The following SYT9 variants were observed in gnomAD, a reference collection of about 807,000 sequenced individuals.
SYT9 encodes synaptotagmin 9.
SYT9 carries 22 observed loss-of-function variants against 48.4 expected under a neutral mutation model. The observed-to-expected ratio is 0.45, with a 90% CI of 0.32 to 0.65. SYT9 has a LOEUF of 0.65. Ranked by LOEUF, SYT9 falls within the 30% of genes least tolerant of loss-of-function variation. SYT9 has a pLI of 0.03. For synonymous variants in SYT9, 265 were observed against 245.0 expected, an observed-to-expected ratio of 1.08 and a Z score of -0.76; for missense variants, 577 against 622.0, an observed-to-expected ratio of 0.93 and a Z score of 0.77.
chr11:7,308,908 G>T (rs1849081124), intron 2 of SYT9, among the ~76,000 whole-genome samples: 1 of 152,308 alleles, frequency 6.6e-6, no homozygotes, highest in Middle Eastern at 3.4e-3. Flanking sequence ...GCTGGGACTA[G>T]TTAATTCACA....
At chr11:7,386,987 T>A (rs952935953) in intron 3 of SYT9, among the ~76,000 whole-genome samples, 1 of 152,234 alleles carries the variant, frequency 6.6e-6, no homozygotes, top group African/African-American at 2.4e-5. Context: ...GATGAGTTCA[T>A]GTCCTTTGTA....
chr11:7,417,869 AT>A (rs1317418019), intron 4 of SYT9, 87 bp from the exon 5 acceptor site: 1 of 1,406,100 alleles, frequency 7.1e-7, no homozygotes, highest in Admixed American at 2.1e-5. Flanking sequence ...TCAGCATACC[AT>A]AGTCCATGAA....
chr11:7,365,049 C>T (rs1041713122), intron 3 of SYT9, among the ~76,000 whole-genome samples: 2 of 152,092 alleles, frequency 1.3e-5, no homozygotes, highest in Admixed American at 6.6e-5. Flanking sequence ...CATCCAGACC[C>T]CTCCTCCCAG....
At chr11:7,443,478 G>A (rs1187518773) in intron 6 of SYT9, among the ~76,000 whole-genome samples, 1 of 152,228 alleles carries the variant, frequency 6.6e-6, no homozygotes, top group African/African-American at 2.4e-5. Flanking sequence ...CCGTGCACAT[G>A]GTAGGCACCT....
chr11:7,305,732 C>T (rs1316655734), intron 2 of SYT9, among the ~76,000 whole-genome samples: 1 of 152,164 alleles, frequency 6.6e-6, no homozygotes, highest in Non-Finnish European at 1.5e-5. Flanking sequence ...CACCGTCTTA[C>T]TGCTTCCATC....
intron 3 of SYT9, among the ~76,000 whole-genome samples, chr11:7,350,759 A>G: frequency 6.6e-6 from 1 of 152,236 alleles, no homozygotes; most frequent in East Asian, 1.9e-4. Flanking sequence ...ACCTGAGAGC[A>G]TGATTTTTCC....
intron 3 of SYT9, among the ~76,000 whole-genome samples, chr11:7,413,894 A>AGCTAATTTG (rs1041956967): frequency 1.3e-5 from 2 of 152,034 alleles, no homozygotes; most frequent in African/African-American, 4.8e-5. Flanking sequence ...CACTGCACCC[A>AGCTAATTTG]GCTAATTTGC....
intron 1 of SYT9, among the ~76,000 whole-genome samples, chr11:7,279,714 A>G (rs1848459197): frequency 2.6e-5 from 4 of 152,230 alleles, no homozygotes; most frequent in Admixed American, 2.6e-4. Flanking sequence ...TGCTTCAAAG[A>G]TAAGATTATT....
chr11:7,250,464 A>ATCACAC (rs1396680785), upstream of SYT9, among the ~76,000 whole-genome samples: 22 of 10,528 alleles, frequency 2.1e-3, no homozygotes, highest in African/African-American at 7.0e-3. Context: ...CCCCCCCAGC[A>ATCACAC]TCACACTATC....
At chr11:7,388,707 C>T (rs1236121731) in intron 3 of SYT9, among the ~76,000 whole-genome samples, 2 of 151,888 alleles carry the variant, frequency 1.3e-5, no homozygotes, top group Non-Finnish European at 2.9e-5. Flanking sequence ...ATCTGTTTTT[C>T]ATCCTGTTAT....
rs1278889007 is a variant in SYT9 at position 7,270,881 on chromosome 11, G to A, written c.145+18550G>A. ...CACACACACACACACACATAATGTG[G>A]AGAGAGTGTCATCAGGTGTGGAGAG... On this transcript the variant is annotated intron_variant, in intron 1 of 6. Coordinates refer to ENST00000318881, the MANE Select transcript of SYT9 (RefSeq NM_175733.4). 4.1e-5 allele frequency among the ~76,000 whole-genome samples: 6 copies of A among 145,386 alleles called. No individual in the cohort carries two copies. The South Asian group carries it at 1.1e-3, about 26-fold the overall frequency.
At chr11:7,367,300 C>T (rs563467921) in intron 3 of SYT9, among the ~76,000 whole-genome samples, 117 of 148,348 alleles carry the variant, frequency 7.9e-4, no homozygotes, top group Non-Finnish European at 1.3e-3. Context: ...TCACCGTGGT[C>T]TCGATCTCCT....
chr11:7,363,406 A>G (rs1850183183), intron 3 of SYT9, among the ~76,000 whole-genome samples: 1 of 152,250 alleles, frequency 6.6e-6, no homozygotes, highest in Admixed American at 6.5e-5. Flanking sequence ...AATGTAGAAT[A>G]CCAGAAATGA....
intron 3 of SYT9, among the ~76,000 whole-genome samples, chr11:7,410,699 G>A (rs888542650): frequency 6.6e-5 from 10 of 151,624 alleles, no homozygotes; most frequent in African/African-American, 2.4e-4. Context: ...TGTTTGAGTG[G>A]AATTTTTTTG....
At position 7,317,892 on chromosome 11, in the gene SYT9, A is replaced by G. The variant is rs191034126; in HGVS notation, c.1044+3951A>G. Among the ~76,000 whole-genome samples, 176 of 152,348 alleles carry G rather than the reference A, an allele frequency of 1.2e-3. 1 individual carries two copies. The highest frequency in any genetic ancestry group is 1.8e-3 in the Non-Finnish European group (122 of 68,038). ...ATAAGCCTTAACATCTGGAAGGGCA[A>G]ATCATCCAGCCTACCTCTATCTTAG... On this transcript the variant is annotated intron_variant, in intron 3 of 6. Coordinates refer to ENST00000318881, the MANE Select transcript of SYT9 (RefSeq NM_175733.4).
chr11:7,364,471 A>G (rs1271797266), intron 3 of SYT9, among the ~76,000 whole-genome samples: 1 of 152,210 alleles, frequency 6.6e-6, no homozygotes, highest in East Asian at 1.9e-4. Flanking sequence ...GATTATTTTC[A>G]TTCTATAGAT....
In SYT9 at chr11:7,251,941, G is replaced by A. The variant is rs546502664; in HGVS notation, c.-246G>A. 9.6e-6 allele frequency: 4 copies of A among 415,024 alleles called. No individual in the cohort carries two copies. The South Asian group carries it at 2.3e-4, about 24-fold the overall frequency. The allele number at this position is 415,024 out of a possible 1,614,324, so 25.7% of individuals were successfully genotyped here. ...GCGGCACCGCCTCTCCTCGGTGTCTGGGGAGGGACGGAGGGACCGGGCGGG... is the reference window on the plus strand; with the variant it reads ...GCGGCACCGCCTCTCCTCGGTGTCTAGGGAGGGACGGAGGGACCGGGCGGG... On this transcript the variant is annotated 5_prime_UTR_variant, in exon 1 of 7. Transcript: ENST00000318881.
At chr11:7,302,509 T>C (rs1009199407) in intron 1 of SYT9, among the ~76,000 whole-genome samples, 2 of 152,212 alleles carry the variant, frequency 1.3e-5, no homozygotes, top group African/African-American at 2.4e-5. Context: ...TCACAGAAGA[T>C]TTGAGCTTCA....
chr11:7,443,644 C>CA (rs1847873278), intron 6 of SYT9, among the ~76,000 whole-genome samples: 1 of 152,222 alleles, frequency 6.6e-6, no homozygotes, highest in Non-Finnish European at 1.5e-5. Flanking sequence ...CTCTTCTACC[C>CA]ACCACCTCAT....
Sources: gnomAD v4.1 joint callset for allele counts (sites outside exome capture counted in the v4.1 genomes callset) on GRCh38, gnomAD v4.1.1 for gene constraint, MANE v1.5 for transcripts, NCBI Gene and HGNC (gene_info 2026-07-23, HGNC 2026-07-21) for gene names.